GNA12: variants seen among roughly 807,000 people sequenced by gnomAD.
The protein encoded by GNA12 is G protein subunit alpha 12.
In GNA12, 9 loss-of-function variants were observed where a neutral mutation model predicts 26.0. The ratio of observed to expected loss-of-function variants is 0.35; its 90% CI spans 0.21 to 0.60. The LOEUF (loss-of-function observed/expected upper bound fraction) is 0.60. Among genes scored for constraint, GNA12 ranks in the 20% least tolerant of loss-of-function variants. GNA12 has a pLI of 0.78. For missense variants in GNA12, 405 were observed against 525.8 expected (o/e 0.77, Z 2.25); for synonymous variants, 264 against 219.6 (o/e 1.20, Z -1.79).
At chr7:2,797,705 G>T (rs1792710789) in intron 1 of GNA12, among the ~76,000 whole-genome samples, 1 of 152,118 alleles carries the variant, frequency 6.6e-6, no homozygotes, top group Non-Finnish European at 1.5e-5. Flanking sequence ...AAGAGTAGTT[G>T]AAAGTCTCCT....
intron 2 of GNA12, among the ~76,000 whole-genome samples, chr7:2,776,338 A>G (rs1211354278): frequency 6.6e-6 from 1 of 152,188 alleles, no homozygotes; most frequent in Non-Finnish European, 1.5e-5. Context: ...AACAGAACAG[A>G]AGACACTGCT....
chr7:2,733,384 G>A (rs141986370), intron 3 of GNA12, 67 bp downstream of exon 3: 38 of 1,282,174 alleles, frequency 3.0e-5, no homozygotes, highest in Non-Finnish European at 4.0e-5. Context: ...AACGTGGACT[G>A]CTTTGGTCTC....
At chr7:2,785,418 C>A (rs1188208759) in intron 2 of GNA12, among the ~76,000 whole-genome samples, 1 of 152,196 alleles carries the variant, frequency 6.6e-6, no homozygotes, top group Non-Finnish European at 1.5e-5. Flanking sequence ...CTGACTGTAA[C>A]AGTTAAGAAA....
In GNA12 at chr7:2,729,705, G is replaced by A. The variant is rs1289000940; in HGVS notation, c.*1476C>T. 2 of 152,404 alleles carry A rather than the reference G, an allele frequency of 1.3e-5. No homozygotes were observed. Among genetic ancestry groups the A allele is most frequent in the African/African-American group, 4.8e-5 (2 of 41,454 alleles). The allele number at this position is 152,404 out of a possible 1,614,324, so 9.4% of individuals were successfully genotyped here. A position where few individuals can be genotyped will look rare whatever the true frequency, so the allele number is the denominator to read the frequency against. On this transcript the variant is annotated 3_prime_UTR_variant, in exon 4 of 4. Transcript: ENST00000275364. ...GACGAGGGCCCTGGGATATGTGACT[G>A]AGCCACAGCAACATTCGGGTGCCAA...
intron 2 of GNA12, among the ~76,000 whole-genome samples, chr7:2,779,903 T>C (rs962102468): frequency 6.6e-6 from 1 of 151,962 alleles, no homozygotes; most frequent in Non-Finnish European, 1.5e-5. Context: ...TGGCGAATAA[T>C]ACATGTTTTG....
chr7:2,814,335 G>C lies in GNA12; in HGVS notation c.310-19192C>G, dbSNP rs74707787. ...ACCCTGGACCCAGGGTGTGCAATGA[G>C]TAGGTGCTCAAAACGGCAGCACTTT... is the stretch of plus-strand genomic sequence containing the variant. On this transcript the variant is annotated intron_variant, in intron 1 of 3. Coordinates refer to ENST00000275364, the MANE Select transcript of GNA12 (RefSeq NM_007353.3). 3.2e-4 allele frequency: 505 copies of C among 1,595,248 alleles called. 7 individuals carry two copies. In the East Asian group the frequency reaches 0.011, roughly 35 times the overall value.
intron 1 of GNA12, among the ~76,000 whole-genome samples, chr7:2,830,217 C>A (rs1008210536): frequency 6.6e-6 from 1 of 150,938 alleles, no homozygotes; most frequent in Non-Finnish European, 1.5e-5. Context: ...GGGCTGGGGT[C>A]AGGAAATGCA....
Position 2,731,010 on chromosome 7 carries a change from C to CT in GNA12, c.*170dup. ...TAGCTAACGTGACAGTTTCCATGTC[C>CT]TTTTGCCTAGAGCTCGCTGGCTGGC... On this transcript the variant is annotated 3_prime_UTR_variant, in exon 4 of 4. Transcript: ENST00000275364. This position sits in a 1 kb window ranked among gnomAD's most constrained non-coding sequence, Gnocchi z 6.0. The CT allele has an allele frequency of 1.8e-6, 1 of 553,494 alleles. No individual in the cohort carries two copies. The highest frequency in any genetic ancestry group is 3.2e-6 in the Non-Finnish European group (1 of 309,842). The allele number at this position is 553,494 out of a possible 1,614,324, so 34.3% of individuals were successfully genotyped here. A position where few individuals can be genotyped will look rare whatever the true frequency, so the allele number is the denominator to read the frequency against.
rs776794460 is a variant in GNA12 at position 2,814,350 on chromosome 7, G to A, written c.310-19207C>T. The A allele has an allele frequency of 1.1e-5, 17 of 1,604,338 alleles. No individual in the cohort carries two copies. The East Asian group carries it at 2.5e-4, about 23-fold the overall frequency. On this transcript the variant is annotated intron_variant, in intron 1 of 3. Transcript: ENST00000275364. ...TGTGCAATGAGTAGGTGCTCAAAAC[G>A]GCAGCACTTTCGGTTTCCATCTGGT... is the stretch of plus-strand genomic sequence containing the variant.
At chr7:2,802,990 G>C (rs979256816) in intron 1 of GNA12, among the ~76,000 whole-genome samples, 1 of 152,148 alleles carries the variant, frequency 6.6e-6, no homozygotes, top group Non-Finnish European at 1.5e-5. Flanking sequence ...ATGCACTGCC[G>C]TACGGGATCA....
chr7:2,806,456 T>TAAAAA (rs1481600151), intron 1 of GNA12, among the ~76,000 whole-genome samples: 1 of 42,062 alleles, frequency 2.4e-5, no homozygotes, highest in African/African-American at 1.2e-4. Flanking sequence ...AGACTCTGTC[T>TAAAAA]CAAAAAAAAA....
intron 2 of GNA12, among the ~76,000 whole-genome samples, chr7:2,772,165 A>G (rs1449376758): frequency 1.3e-5 from 2 of 152,254 alleles, no homozygotes; most frequent in Non-Finnish European, 2.9e-5. Flanking sequence ...CAAAGGACTC[A>G]TATCGAGAAT....
Position 2,731,124 on chromosome 7 carries a change from G to A in GNA12, c.*57C>T. 8.4e-7 allele frequency: 1 copy of A among 1,191,688 alleles called. No individual in the cohort carries two copies. 73.8% of individuals were successfully genotyped at this position (1,191,688 alleles called of 1,614,324 possible). On this transcript the variant is annotated 3_prime_UTR_variant, in exon 4 of 4. Coordinates refer to ENST00000275364, the MANE Select transcript of GNA12 (RefSeq NM_007353.3). The surrounding 1 kb of genome is among the most constrained non-coding windows in gnomAD (Gnocchi z 6.0). Reference sequence around the variant, plus strand: ...CCACACAGACAACACACACCCAAGAGTCTGACCGACAGCCGTGGGGGCTGC... The same window carrying A: ...CCACACAGACAACACACACCCAAGAATCTGACCGACAGCCGTGGGGGCTGC...
intron 1 of GNA12, among the ~76,000 whole-genome samples, chr7:2,798,047 T>G (rs910380984): frequency 3.3e-5 from 5 of 152,154 alleles, no homozygotes; most frequent in African/African-American, 1.2e-4. Flanking sequence ...ATAATTAATG[T>G]GAAAGACTGA....
intron 2 of GNA12, among the ~76,000 whole-genome samples, chr7:2,740,096 C>A (rs1583216819): frequency 6.6e-6 from 1 of 152,218 alleles, no homozygotes; most frequent in Non-Finnish European, 1.5e-5. Context: ...TCCTTGCCAA[C>A]ACTTGCTGTT....
At chr7:2,786,279 T>G (rs1038179516) in intron 2 of GNA12, among the ~76,000 whole-genome samples, 3 of 152,122 alleles carry the variant, frequency 2.0e-5, no homozygotes, top group Non-Finnish European at 2.9e-5. Flanking sequence ...GGACTATCTG[T>G]GTAACTTCCT....
At chr7:2,826,823 T>C (rs1793494947) in intron 1 of GNA12, among the ~76,000 whole-genome samples, 1 of 152,056 alleles carries the variant, frequency 6.6e-6, no homozygotes, top group Non-Finnish European at 1.5e-5. Context: ...ACAAGGAGGA[T>C]TTTTAGGGCA....
chr7:2,822,870 C>T (rs1425871329), intron 1 of GNA12, among the ~76,000 whole-genome samples: 4 of 152,158 alleles, frequency 2.6e-5, no homozygotes, highest in Non-Finnish European at 4.4e-5. Context: ...GAGATAAACA[C>T]TCAACCCCCT....
At chr7:2,767,047 T>C (rs1046510515) in intron 2 of GNA12, among the ~76,000 whole-genome samples, 3 of 152,258 alleles carry the variant, frequency 2.0e-5, no homozygotes, top group African/African-American at 7.2e-5. Flanking sequence ...ACTGGAGAAC[T>C]GTCCATTCAA....
Sources: allele counts gnomAD v4.1 joint callset (sites outside exome capture counted in the v4.1 genomes callset), GRCh38; gene constraint gnomAD v4.1.1; non-coding constraint Gnocchi (gnomAD v3.1); transcripts MANE v1.5; gene names NCBI Gene and HGNC (gene_info 2026-07-23, HGNC 2026-07-21).